The following RAB20 variants were observed in gnomAD, a reference collection of about 807,000 sequenced individuals.
RAB20 encodes RAB20, member RAS oncogene family, also known as ras-related protein Rab-20.
RAB20 carries 2 observed loss-of-function variants against 3.7 expected under a neutral mutation model. The observed-to-expected ratio is 0.54, with a 90% confidence interval of 0.22 to 1.69. The LOEUF (loss-of-function observed/expected upper bound fraction) is 1.69. Ranked by LOEUF, RAB20 falls within the 40% of genes most tolerant of loss-of-function variation. RAB20 has a pLI of 0.19. For synonymous variants in RAB20, 126 were observed against 130.8 expected, an observed-to-expected ratio of 0.96 and a Z score of 0.25; for missense variants, 276 against 311.9, an observed-to-expected ratio of 0.88 and a Z score of 0.87.
intron 1 of RAB20, among the ~76,000 whole-genome samples, chr13:110,561,126 G>A (rs1233899291): frequency 1.3e-5 from 2 of 152,220 alleles, no homozygotes; most frequent in Admixed American, 6.5e-5. Flanking sequence ...CAAATGACCA[G>A]CGGGTTCTCT....
chr13:110,523,607 T>TTGCCTG lies in RAB20; in HGVS notation c.*52_*57dup. The stretch of plus-strand genomic sequence containing the variant: ...TTCCTTGCTCCTTTCAGATCACAGC[T>TTGCCTG]TGCCTGGTCAGACCCCTTCCCAACA... On this transcript the variant is annotated 3_prime_UTR_variant, in exon 2 of 2. Coordinates refer to ENST00000267328, the MANE Select transcript of RAB20 (RefSeq NM_017817.3). 1 of 1,572,254 alleles carries TTGCCTG rather than the reference T, an allele frequency of 6.4e-7. No individual in the cohort carries two copies. The highest frequency in any genetic ancestry group is 1.2e-5 in the South Asian group (1 of 84,912).
chr13:110,539,484 T>C (rs1884715272), intron 1 of RAB20, among the ~76,000 whole-genome samples: 1 of 152,090 alleles, frequency 6.6e-6, no homozygotes, highest in Non-Finnish European at 1.5e-5. Flanking sequence ...AGAGGAGAAT[T>C]ATTCCAGGAA....
At chr13:110,529,925 G>A (rs1395736281) in intron 1 of RAB20, among the ~76,000 whole-genome samples, 1 of 152,212 alleles carries the variant, frequency 6.6e-6, no homozygotes, top group East Asian at 1.9e-4. Context: ...AACACATACA[G>A]ACGAAGAGGT....
At position 110,533,933 on chromosome 13, in the gene RAB20, G is replaced by A. The variant is rs979095397; in HGVS notation, c.173-9736C>T. On this transcript the variant is annotated intron_variant, in intron 1 of 1. Transcript: ENST00000267328. ...GAGAGCTAGCAGGCAAGGGCCCCACGCAGTGGGCAGGCCCTCCCCCCAGAA... is the reference window on the plus strand; with the variant it reads ...GAGAGCTAGCAGGCAAGGGCCCCACACAGTGGGCAGGCCCTCCCCCCAGAA... Among the ~76,000 whole-genome samples, 10 of 152,278 alleles carry A rather than the reference G, an allele frequency of 6.6e-5. No homozygotes were observed. In the East Asian group the frequency reaches 1.9e-3, roughly 29 times the overall value.
intron 1 of RAB20, among the ~76,000 whole-genome samples, chr13:110,528,818 A>G (rs563244665): frequency 6.6e-6 from 1 of 152,270 alleles, no homozygotes; most frequent in Non-Finnish European, 1.5e-5. Context: ...GGAACTGAAG[A>G]ATCACAAATG....
intron 1 of RAB20, among the ~76,000 whole-genome samples, chr13:110,531,583 TCTGCACACAGGTGAACTGGCTGGAG>T (rs913221881): frequency 9.8e-5 from 15 of 152,296 alleles, no homozygotes; most frequent in African/African-American, 3.6e-4. Flanking sequence ...GAAAGCAGAA[TCTGCACACAGGTGAACTGGCTGGAG>T]CTGCACCCAG....
intron 1 of RAB20, among the ~76,000 whole-genome samples, chr13:110,550,113 G>A (rs378077): frequency 0.088 from 13,390 of 152,076 alleles, 1,938 homozygotes; most frequent in African/African-American, 0.3. Flanking sequence ...AGGGTTCAGG[G>A]AGCTCCCAGA....
At chr13:110,560,074 AAATTGGGTTCGTG>A (rs1237712225) in intron 1 of RAB20, among the ~76,000 whole-genome samples, 3 of 152,212 alleles carry the variant, frequency 2.0e-5, no homozygotes, top group Non-Finnish European at 4.4e-5. Flanking sequence ...GTACAGAAGC[AAATTGGGTTCGTG>A]AATTGGGTTC....
chr13:110,524,533 T>C (rs953268056), intron 1 of RAB20, among the ~76,000 whole-genome samples: 10 of 152,072 alleles, frequency 6.6e-5, no homozygotes, highest in South Asian at 2.1e-4. Context: ...TGGCTGGAGA[T>C]GGAAGGAATC....
intron 1 of RAB20, among the ~76,000 whole-genome samples, chr13:110,538,714 C>A (rs1884700008): frequency 6.6e-6 from 1 of 152,104 alleles, no homozygotes; most frequent in African/African-American, 2.4e-5. Context: ...GAATCCACTC[C>A]CAGAAAACCA....
At chr13:110,548,857 C>T (rs1019133595) in intron 1 of RAB20, among the ~76,000 whole-genome samples, 6 of 152,056 alleles carry the variant, frequency 3.9e-5, no homozygotes, top group African/African-American at 1.2e-4. Context: ...AAGTGGATGC[C>T]GGAACAATGG....
chr13:110,560,407 C>T (rs1385970706), intron 1 of RAB20, among the ~76,000 whole-genome samples: 2 of 152,166 alleles, frequency 1.3e-5, no homozygotes, highest in Non-Finnish European at 2.9e-5. Flanking sequence ...GTTTATTCAG[C>T]ATACTGATAC....
At chr13:110,536,509 G>A (rs1272557585) in intron 1 of RAB20, among the ~76,000 whole-genome samples, 1 of 152,148 alleles carries the variant, frequency 6.6e-6, no homozygotes, top group East Asian at 1.9e-4. Context: ...AGGAAAGCCG[G>A]GGAAGAATCA....
intron 1 of RAB20, among the ~76,000 whole-genome samples, chr13:110,548,819 GAGAGGTGAGGATAACACCA>G (rs1370040399): frequency 3.3e-5 from 5 of 152,068 alleles, no homozygotes; most frequent in African/African-American, 9.7e-5. Flanking sequence ...CATCTGCACC[GAGAGGTGAGGATAACACCA>G]AGCACACAAA....
chr13:110,561,587 C>G lies in RAB20; in HGVS notation c.-68G>C, dbSNP rs910813553. 1 of 1,496,830 alleles carries G rather than the reference C, an allele frequency of 6.7e-7. No homozygotes were observed. Among genetic ancestry groups the G allele is most frequent in the Middle Eastern group, 1.8e-4 (1 of 5,440 alleles). The allele number at this position is 1,496,830 out of a possible 1,614,324, so 92.7% of individuals were successfully genotyped here. ...GGCTGGCCGGCTCGTGCGCCCTGGGCGCAGCTGGAGGAGCGGACCCCGGAC... is the reference window on the plus strand; with the variant it reads ...GGCTGGCCGGCTCGTGCGCCCTGGGGGCAGCTGGAGGAGCGGACCCCGGAC... On this transcript the variant is annotated 5_prime_UTR_variant, in exon 1 of 2. Coordinates refer to ENST00000267328, the MANE Select transcript of RAB20 (RefSeq NM_017817.3).
At chr13:110,561,039 CCA>C (rs1233331416) in intron 1 of RAB20, among the ~76,000 whole-genome samples, 1 of 152,208 alleles carries the variant, frequency 6.6e-6, no homozygotes, top group Non-Finnish European at 1.5e-5. Context: ...AACAAAGCAG[CCA>C]CAGAGGAGCG....
chr13:110,542,819 A>G (rs1464025543), intron 1 of RAB20, among the ~76,000 whole-genome samples: 2 of 152,244 alleles, frequency 1.3e-5, no homozygotes, highest in Admixed American at 6.5e-5. Flanking sequence ...ACAGATACCC[A>G]GCAGTGGGAC....
intron 1 of RAB20, among the ~76,000 whole-genome samples, chr13:110,534,933 A>G (rs1884612226): frequency 6.6e-6 from 1 of 152,176 alleles, no homozygotes; most frequent in Non-Finnish European, 1.5e-5. Flanking sequence ...TCCTGGGCTC[A>G]AGCGATCCTC....
At chr13:110,561,288 CG>C in intron 1 of RAB20, 59 bp downstream of exon 1, 1 of 1,479,564 alleles carries the variant, frequency 6.8e-7, no homozygotes, top group Non-Finnish European at 8.9e-7. Flanking sequence ...CTGGAAGCCC[CG>C]CGCCCCCCGT....
Sources: allele counts gnomAD v4.1 joint callset (sites outside exome capture counted in the v4.1 genomes callset), GRCh38; gene constraint gnomAD v4.1.1; transcripts MANE v1.5; gene names NCBI Gene and HGNC (gene_info 2026-07-23, HGNC 2026-07-21).